Variants in TTLL5 observed in about 807,000 individuals in gnomAD.
TTLL5 encodes tubulin polyglutamylase TTLL5.
TTLL5 carries 132 observed loss-of-function variants against 168.4 expected under a neutral mutation model. That is an observed-to-expected ratio of 0.78 (90% CI 0.68 to 0.91). The LOEUF (loss-of-function observed/expected upper bound fraction) is 0.91. Among genes scored for constraint, TTLL5 ranks in the 40% least tolerant of loss-of-function variants. TTLL5 has a pLI of 0.00. For synonymous variants in TTLL5, 546 were observed against 558.6 expected (o/e 0.98, Z 0.32); for missense variants, 1,545 against 1,581.5 (o/e 0.98, Z 0.39).
chr14:75,807,607 G>A (rs1172441687), intron 27 of TTLL5, among the ~76,000 whole-genome samples: 1 of 152,304 alleles, frequency 6.6e-6, no homozygotes, highest in East Asian at 1.9e-4. Context: ...TTAAGATGAA[G>A]AAATAGAAGC....
chr14:75,753,093 T>C (rs897024093), intron 18 of TTLL5, 138 bp downstream of exon 18: 22 of 690,068 alleles, frequency 3.2e-5, no homozygotes, highest in Non-Finnish European at 2.3e-6. Flanking sequence ...GAAAGCATGC[T>C]ATCATGACTC....
At chr14:75,873,728 T>A (rs931612425) in intron 29 of TTLL5, among the ~76,000 whole-genome samples, 3 of 152,172 alleles carry the variant, frequency 2.0e-5, no homozygotes, top group African/African-American at 7.2e-5. Context: ...TTGATGGACA[T>A]TTAGGTTCCT....
chr14:75,857,943 G>A (rs907531345), intron 28 of TTLL5, among the ~76,000 whole-genome samples: 1 of 151,854 alleles, frequency 6.6e-6, no homozygotes, highest in Non-Finnish European at 1.5e-5. Flanking sequence ...GAGCCACCAC[G>A]CCTGGCATAG....
chr14:75,814,839 A>C (rs1894294312), intron 27 of TTLL5, among the ~76,000 whole-genome samples: 1 of 152,216 alleles, frequency 6.6e-6, no homozygotes, highest in African/African-American at 2.4e-5. Flanking sequence ...TTAAATTTTA[A>C]ATTATATAAA....
At chr14:75,885,364 C>T (rs988007235) in intron 30 of TTLL5, among the ~76,000 whole-genome samples, 2 of 151,702 alleles carry the variant, frequency 1.3e-5, no homozygotes, top group Non-Finnish European at 2.9e-5. Flanking sequence ...TGATGGTGGG[C>T]GCCTGTAGTC....
chr14:75,890,806 G>A (rs1356375014), intron 30 of TTLL5, among the ~76,000 whole-genome samples: 4 of 152,128 alleles, frequency 2.6e-5, no homozygotes, highest in Non-Finnish European at 5.9e-5. Flanking sequence ...TGCAGCCTCT[G>A]TCTCCCAGGT....
chr14:75,686,090 G>A (rs1291676678), intron 5 of TTLL5, among the ~76,000 whole-genome samples: 2 of 152,172 alleles, frequency 1.3e-5, no homozygotes, highest in African/African-American at 4.8e-5. Context: ...TGCCAAAGCA[G>A]TTTCTGAACT....
intron 28 of TTLL5, among the ~76,000 whole-genome samples, chr14:75,856,774 C>T (rs1273226040): frequency 6.6e-6 from 1 of 151,790 alleles, no homozygotes; most frequent in Non-Finnish European, 1.5e-5. Context: ...CTACAGGCAC[C>T]CGCCACCACT....
Position 75,882,881 on chromosome 14 carries a change from C to T in TTLL5, c.3719C>T (p.Ala1240Val), listed in dbSNP as rs752881859. The change falls in exon 30 of 32, where the codon GCA becomes GTA. Residue 1240 changes from alanine (A) to valine (V), a missense_variant. Transcript: ENST00000298832. ...PPNHEQVLRR[A>V]TSQKASKGSS... is the part of the protein sequence containing the mutation. ...AACCACGAACAAGTGCTCAGAAGGG[C>T]AACATCCCAGAAAGCTTCCAAGTAA... The T allele has an allele frequency of 4.3e-6, 7 of 1,614,146 alleles. No homozygotes were observed. The highest frequency in any genetic ancestry group is 5.9e-6 in the Non-Finnish European group (7 of 1,180,006).
intron 31 of TTLL5, among the ~76,000 whole-genome samples, chr14:75,919,083 C>G (rs1449087285): frequency 6.7e-6 from 1 of 150,092 alleles, no homozygotes; most frequent in Non-Finnish European, 1.5e-5. Context: ...TGCCTGTAAT[C>G]CCAGCTACTC....
intron 12 of TTLL5, chr14:75,727,827 A>G (rs985533429): frequency 6.0e-6 from 3 of 503,976 alleles, no homozygotes; most frequent in South Asian, 1.5e-5. Flanking sequence ...ATCTGTGATG[A>G]AAGAAATAAG....
chr14:75,741,641 C>T (rs138562896), intron 15 of TTLL5, among the ~76,000 whole-genome samples: 3,023 of 151,398 alleles, frequency 0.02, 46 homozygotes, highest in Non-Finnish European at 0.03. Context: ...CTTCCCTTCT[C>T]TCTTTCTCTA....
intron 28 of TTLL5, among the ~76,000 whole-genome samples, chr14:75,823,050 G>C (rs1894921223): frequency 6.6e-6 from 1 of 152,168 alleles, no homozygotes; most frequent in Admixed American, 6.5e-5. Context: ...GCCAAATACA[G>C]TCACATGTTT....
In TTLL5 at chr14:75,775,577, C is replaced by T. The variant is rs201309706; in HGVS notation, c.2230C>T (p.Arg744Cys). ...CAGTCGACGATTGGCACTTCTGGAA[C>T]GCAGAAGAATCCTGGCCCACCAGCT... Reference protein sequence around the residue: ...LPSRRLALLERRRILAHQLGD... With the variant: ...LPSRRLALLECRRILAHQLGD... Residue 744 changes from arginine (R) to cysteine (C), a missense_variant, in exon 22 of 32, where the codon CGC (arginine) becomes TGC (cysteine). Physicochemically the swap from Arg to Cys is radical, Grantham distance 180. Transcript: ENST00000298832. 3.3e-5 allele frequency: 54 copies of T among 1,613,918 alleles called. No individual in the cohort carries two copies. The highest frequency in any genetic ancestry group is 4.0e-5 in the African/African-American group (3 of 74,892).
chr14:75,883,674 G>C (rs757505375), intron 30 of TTLL5, among the ~76,000 whole-genome samples: 1 of 152,150 alleles, frequency 6.6e-6, no homozygotes, highest in African/African-American at 2.4e-5. Context: ...ATCAAATTCT[G>C]GATTTAGATA....
chr14:75,882,682 TAGGC>T lies in TTLL5; in HGVS notation c.3523-1_3525del. 1 of 1,602,498 alleles carries T rather than the reference TAGGC, an allele frequency of 6.2e-7. No homozygotes were observed. The highest frequency in any genetic ancestry group is 1.7e-5 in the Admixed American group (1 of 58,018). Reference sequence around the variant, plus strand: ...GATCATTTTTTTCCTTTTTTTTTTGTAGGCAATCTTTGGCAGCCAGACACTACCT... The same window carrying T: ...GATCATTTTTTTCCTTTTTTTTTTGTAATCTTTGGCAGCCAGACACTACCT... On this transcript the variant is annotated splice_acceptor_variant and coding_sequence_variant, in exon 30 of 32. Coordinates refer to ENST00000298832, the MANE Select transcript of TTLL5 (RefSeq NM_015072.5). LOFTEE classifies it high-confidence loss of function.
chr14:75,899,593 A>G lies in TTLL5; in HGVS notation c.3741-2549A>G, dbSNP rs1352838761. On this transcript the variant is annotated intron_variant, in intron 30 of 31. Coordinates refer to ENST00000298832, the MANE Select transcript of TTLL5 (RefSeq NM_015072.5). ...ACATCACAGGGAGAATGGGGACTCT[A>G]TGCTAGAAGCAGTAGAATCATTAGA... Among the ~76,000 whole-genome samples the G allele has an allele frequency of 5.9e-5, 9 of 152,216 alleles. No individual in the cohort carries two copies. The East Asian group carries it at 1.3e-3, about 23-fold the overall frequency.
At chr14:75,849,109 A>G (rs925411011) in intron 28 of TTLL5, among the ~76,000 whole-genome samples, 1 of 152,186 alleles carries the variant, frequency 6.6e-6, no homozygotes, top group African/African-American at 2.4e-5. Flanking sequence ...ATTCTTCCCA[A>G]ATTTATGTAA....
At position 75,825,126 on chromosome 14, in the gene TTLL5, GT is replaced by G. The variant is rs561001792; in HGVS notation, c.3326+4966del. ...TTGTTGTAAGATTAAACTGAGTTGT[GT>G]ATGTGAAAGTGGCCAGCATGGTTTT... On this transcript the variant is annotated intron_variant, in intron 28 of 31. Transcript: ENST00000298832. 2.2e-3 allele frequency among the ~76,000 whole-genome samples: 330 copies of G among 152,230 alleles called. 1 individual carries two copies. The highest frequency in any genetic ancestry group is 7.5e-3 in the African/African-American group (312 of 41,522).
Sources: gnomAD v4.1 joint callset for allele counts (sites outside exome capture counted in the v4.1 genomes callset) on GRCh38, gnomAD v4.1.1 for gene constraint, MANE v1.5 for transcripts, NCBI Gene and HGNC (gene_info 2026-07-23, HGNC 2026-07-21) for gene names.